Variants in TMEM232 observed in about 807,000 individuals in gnomAD.
TMEM232 encodes transmembrane protein 232.
A neutral mutation model predicts 78.8 loss-of-function variants in TMEM232; 80 were observed. The ratio of observed to expected loss-of-function variants is 1.01; its 90% confidence interval spans 0.85 to 1.22. The LOEUF (loss-of-function observed/expected upper bound fraction) is 1.22, where lower values mean the gene tolerates loss of function less well. Among genes scored for constraint, TMEM232 ranks in the 50% most tolerant of loss-of-function variants. TMEM232 has a pLI of 0.00. For missense variants in TMEM232, 881 were observed against 742.2 expected, an observed-to-expected ratio of 1.19 and a Z score of -2.17; for synonymous variants, 297 against 254.3, an observed-to-expected ratio of 1.17 and a Z score of -1.60.
At chr5:110,656,375 T>G (rs1789053939) in intron 2 of TMEM232, among the ~76,000 whole-genome samples, 1 of 152,188 alleles carries the variant, frequency 6.6e-6, no homozygotes, top group African/African-American at 2.4e-5. Context: ...TGCTCTCAAG[T>G]TCCACAACAC....
chr5:110,722,379 TTCAG>T (rs1797733409), intron 1 of TMEM232, among the ~76,000 whole-genome samples: 1 of 152,088 alleles, frequency 6.6e-6, no homozygotes, highest in Admixed American at 6.6e-5. Context: ...CAGCTGCAGG[TTCAG>T]TCAGTCAGTC....
intron 11 of TMEM232, among the ~76,000 whole-genome samples, chr5:110,559,133 T>A (rs997114309): frequency 1.3e-5 from 2 of 152,154 alleles, no homozygotes; most frequent in African/African-American, 2.4e-5. Context: ...TCTGGGTCAA[T>A]TGGATAATCA....
intron 10 of TMEM232, among the ~76,000 whole-genome samples, chr5:110,604,274 C>G (rs1235654586): frequency 1.3e-5 from 2 of 151,892 alleles, no homozygotes; most frequent in Admixed American, 6.6e-5. Flanking sequence ...TAACATTGTC[C>G]CCATAGTACT....
At chr5:110,405,317 A>G (rs1005780961) in intron 2 of TMEM232, among the ~76,000 whole-genome samples, 3 of 152,074 alleles carry the variant, frequency 2.0e-5, no homozygotes, top group African/African-American at 7.2e-5. Flanking sequence ...TCACTGTCAA[A>G]GAACCAAAAC....
intron 12 of TMEM232, among the ~76,000 whole-genome samples, chr5:110,476,791 T>C (rs1375001426): frequency 6.6e-6 from 1 of 152,026 alleles, no homozygotes; most frequent in Non-Finnish European, 1.5e-5. Flanking sequence ...GGGAGGAATG[T>C]GTGTGCTTGA....
intron 8 of TMEM232, among the ~76,000 whole-genome samples, chr5:110,615,381 GTTA>G (rs905094664): frequency 9.9e-5 from 15 of 151,816 alleles, no homozygotes; most frequent in Admixed American, 2.6e-4. Flanking sequence ...GGCATTACAA[GTTA>G]TTATTATTTT....
intron 12 of TMEM232, among the ~76,000 whole-genome samples, chr5:110,482,876 T>C (rs930814211): frequency 5.3e-5 from 8 of 151,808 alleles, no homozygotes; most frequent in East Asian, 1.9e-4. Context: ...TAAAGAGAAG[T>C]AGACAAAAAT....
In TMEM232 at chr5:110,471,944, A is replaced by C. The variant is rs957565436; in HGVS notation, c.1704-47028T>G. On this transcript the variant is annotated intron_variant, in intron 12 of 13. Transcript: ENST00000455884. ...ACACAGAAATGGAAAGGATCATAAA[A>C]GACTACTACTATGAACAACTATACA... Among the ~76,000 whole-genome samples, 3 of 152,086 alleles carry C rather than the reference A, an allele frequency of 2.0e-5. No homozygotes were observed. In the South Asian group the frequency reaches 6.2e-4, roughly 31 times the overall value.
At chr5:110,445,487 T>C (rs1234694599) in intron 12 of TMEM232, among the ~76,000 whole-genome samples, 1 of 152,114 alleles carries the variant, frequency 6.6e-6, no homozygotes, top group Non-Finnish European at 1.5e-5. Context: ...TTGGAGTCTA[T>C]GGGTTTCTGG....
intron 11 of TMEM232, among the ~76,000 whole-genome samples, chr5:110,560,836 T>G (rs1257020536): frequency 6.6e-6 from 1 of 152,194 alleles, no homozygotes; most frequent in East Asian, 1.9e-4. Flanking sequence ...CTCCAGCCAA[T>G]AAATCTGAAA....
rs1173442337 is a variant in TMEM232, at chr5:110,588,023, GA to G, written c.1276+17085del. 2.0e-5 allele frequency among the ~76,000 whole-genome samples: 3 copies of G among 151,566 alleles called. No homozygotes were observed. The East Asian group carries it at 5.8e-4, about 29-fold the overall frequency. ...CAACCTTATTACTGAATACTTTCTT[GA>G]ATAACCTTCACCAAGGTAAGAGATA... On this transcript the variant is annotated intron_variant, in intron 10 of 13. Coordinates refer to ENST00000455884, the MANE Select transcript of TMEM232 (RefSeq NM_001039763.4).
chr5:110,462,802 AAAC>A (rs952040474), intron 12 of TMEM232, among the ~76,000 whole-genome samples: 1 of 152,208 alleles, frequency 6.6e-6, no homozygotes, highest in African/African-American at 2.4e-5. Flanking sequence ...ACAGTGACGA[AAAC>A]AACCATAGAG....
chr5:110,689,213 G>A (rs919699241), intron 1 of TMEM232, among the ~76,000 whole-genome samples: 1 of 152,056 alleles, frequency 6.6e-6, no homozygotes, highest in African/African-American at 2.4e-5. Flanking sequence ...TAAACCCTGG[G>A]GCAAGGGCAG....
At chr5:110,467,940 T>A (rs1580803165) in intron 12 of TMEM232, among the ~76,000 whole-genome samples, 1 of 147,190 alleles carries the variant, frequency 6.8e-6, no homozygotes, top group Non-Finnish European at 1.5e-5. Flanking sequence ...ATCACCCTGA[T>A]ATGTGGATTT....
intron 11 of TMEM232, among the ~76,000 whole-genome samples, chr5:110,566,386 T>C: frequency 6.6e-6 from 1 of 151,896 alleles, no homozygotes; most frequent in Non-Finnish European, 1.5e-5. Context: ...GCTGCAGGCT[T>C]GAATTCCTTC....
At chr5:110,597,790 C>T (rs1450230177) in intron 10 of TMEM232, among the ~76,000 whole-genome samples, 3 of 152,000 alleles carry the variant, frequency 2.0e-5, no homozygotes, top group Non-Finnish European at 4.4e-5. Context: ...ATAAATGGTG[C>T]TGGGAAAACT....
intron 10 of TMEM232, among the ~76,000 whole-genome samples, chr5:110,587,671 A>G (rs900445235): frequency 7.4e-5 from 6 of 81,612 alleles, no homozygotes; most frequent in East Asian, 9.6e-4. Context: ...ATGTATATAT[A>G]TATATATATA....
At chr5:110,459,528 A>C (rs555629755) in intron 12 of TMEM232, among the ~76,000 whole-genome samples, 1 of 152,300 alleles carries the variant, frequency 6.6e-6, no homozygotes, top group East Asian at 1.9e-4. Flanking sequence ...AAAAGTAAAA[A>C]GCTCTTTTAG....
chr5:110,467,204 A>G (rs1289727498), intron 12 of TMEM232, among the ~76,000 whole-genome samples: 2 of 152,180 alleles, frequency 1.3e-5, no homozygotes, highest in Non-Finnish European at 2.9e-5. Context: ...GACTGGATAA[A>G]AAAGGTTTTC....
Sources: gnomAD v4.1 joint callset for allele counts (sites outside exome capture counted in the v4.1 genomes callset) on GRCh38, gnomAD v4.1.1 for gene constraint, MANE v1.5 for transcripts, NCBI Gene and HGNC (gene_info 2026-07-23, HGNC 2026-07-21) for gene names.